The following GRIK2 variants were observed in gnomAD, a reference collection of about 807,000 sequenced individuals.
The protein encoded by GRIK2 is glutamate ionotropic receptor kainate type subunit 2, also known as glutamate receptor ionotropic, kainate 2.
GRIK2 carries 32 observed loss-of-function variants against 100.3 expected under a neutral mutation model. That is an observed-to-expected ratio of 0.32 (90% CI 0.24 to 0.43). The LOEUF (loss-of-function observed/expected upper bound fraction) is 0.43, where lower values mean the gene tolerates loss of function less well. Among genes scored for constraint, GRIK2 ranks in the 20% least tolerant of loss-of-function variants. The pLI is 1.00. For synonymous variants in GRIK2, 417 were observed against 389.4 expected (o/e 1.07, Z -0.83); for missense variants, 843 against 1,114.9 (o/e 0.76, Z 3.47).
intron 16 of GRIK2, among the ~76,000 whole-genome samples, chr6:102,057,216 A>G (rs1031429398): frequency 6.6e-6 from 1 of 151,992 alleles, no homozygotes; most frequent in South Asian, 2.1e-4. Flanking sequence ...CAAATAATCC[A>G]TATGTAATAA....
At chr6:101,868,464 TTTA>T (rs1360451803) in intron 11 of GRIK2, among the ~76,000 whole-genome samples, 5 of 151,740 alleles carry the variant, frequency 3.3e-5, no homozygotes, top group Non-Finnish European at 7.4e-5. Context: ...GAAAAATTTG[TTTA>T]TCTGTGGTAT....
chr6:101,918,996 A>T (rs934263073), intron 12 of GRIK2, among the ~76,000 whole-genome samples: 1 of 151,776 alleles, frequency 6.6e-6, no homozygotes, highest in East Asian at 1.9e-4. Context: ...AATTAACTGA[A>T]GAGGAAGAGG....
chr6:101,427,416 G>A (rs1302333142), intron 2 of GRIK2, among the ~76,000 whole-genome samples: 10 of 152,062 alleles, frequency 6.6e-5, no homozygotes, highest in Non-Finnish European at 1.5e-5. Flanking sequence ...CTTTATCCAC[G>A]AATATATTTA....
intron 7 of GRIK2, among the ~76,000 whole-genome samples, chr6:101,728,572 T>A (rs1775033174): frequency 6.6e-6 from 1 of 152,064 alleles, no homozygotes. Flanking sequence ...GGTTTTAAAT[T>A]CTGACAGGCA....
intron 2 of GRIK2, among the ~76,000 whole-genome samples, chr6:101,561,322 A>G (rs932116502): frequency 1.3e-5 from 2 of 151,990 alleles, no homozygotes; most frequent in African/African-American, 4.8e-5. Flanking sequence ...TTGGGAGCTA[A>G]AAAAGTAGAT....
intron 15 of GRIK2, among the ~76,000 whole-genome samples, chr6:102,053,758 AATAG>A (rs1415750207): frequency 2.6e-5 from 4 of 152,172 alleles, no homozygotes; most frequent in South Asian, 2.1e-4. Context: ...ACAGACAGAT[AATAG>A]ATAGCCTCCA....
chr6:101,499,351 T>C (rs1773628336), intron 2 of GRIK2, among the ~76,000 whole-genome samples: 1 of 152,086 alleles, frequency 6.6e-6, no homozygotes, highest in Admixed American at 6.6e-5. Context: ...AGTACTCTTT[T>C]CTCCAGGGAA....
At chr6:101,401,435 A>G (rs998792123) in intron 2 of GRIK2, among the ~76,000 whole-genome samples, 1 of 152,094 alleles carries the variant, frequency 6.6e-6, no homozygotes, top group Non-Finnish European at 1.5e-5. Context: ...TTCTTAGACC[A>G]ATGCTTACTA....
chr6:101,925,786 T>C (rs1789849456), intron 13 of GRIK2, among the ~76,000 whole-genome samples: 1 of 152,020 alleles, frequency 6.6e-6, no homozygotes, highest in Admixed American at 6.6e-5. Flanking sequence ...GAAGTGGAAA[T>C]TTATGTTGTT....
chr6:101,441,733 C>G (rs1308166251), intron 2 of GRIK2, among the ~76,000 whole-genome samples: 1 of 152,030 alleles, frequency 6.6e-6, no homozygotes, highest in African/African-American at 2.4e-5. Flanking sequence ...TTTTGTCATC[C>G]AGGAATCAGC....
chr6:101,853,834 T>C (rs934618506), intron 10 of GRIK2, among the ~76,000 whole-genome samples: 1 of 151,994 alleles, frequency 6.6e-6, no homozygotes, highest in African/African-American at 2.4e-5. Flanking sequence ...AAGAAAACAA[T>C]CTGAAAAGGC....
chr6:101,852,436 T>A (rs1295236387), intron 10 of GRIK2, among the ~76,000 whole-genome samples: 1 of 152,106 alleles, frequency 6.6e-6, no homozygotes, highest in Non-Finnish European at 1.5e-5. Context: ...GGAACTTACC[T>A]GTCTCAATTT....
chr6:101,865,951 C>A (rs960758166), intron 11 of GRIK2, among the ~76,000 whole-genome samples: 12 of 147,888 alleles, frequency 8.1e-5, no homozygotes, highest in Non-Finnish European at 1.7e-4. Flanking sequence ...CAACCAACAA[C>A]AACAAATAAA....
At chr6:101,723,117 A>G (rs1774605694) in intron 7 of GRIK2, among the ~76,000 whole-genome samples, 1 of 152,094 alleles carries the variant, frequency 6.6e-6, no homozygotes, top group African/African-American at 2.4e-5. Flanking sequence ...TTCAAAGCAT[A>G]TGCACTACTT....
At chr6:101,964,570 A>G (rs550178617) in intron 14 of GRIK2, among the ~76,000 whole-genome samples, 128 of 152,212 alleles carry the variant, frequency 8.4e-4, no homozygotes, top group Admixed American at 1.7e-3. Context: ...GGGGTCTCGC[A>G]CACAGGAAAG....
intron 2 of GRIK2, among the ~76,000 whole-genome samples, chr6:101,526,627 A>G (rs140601568): frequency 2.2e-3 from 333 of 152,272 alleles, no homozygotes; most frequent in Middle Eastern, 6.8e-3. Context: ...GGGTGATGCT[A>G]TAAGGAAGGG....
intron 11 of GRIK2, among the ~76,000 whole-genome samples, chr6:101,880,989 T>C (rs547169864): frequency 1.4e-4 from 22 of 152,022 alleles, no homozygotes; most frequent in African/African-American, 5.3e-4. Context: ...TATTTACTCA[T>C]TTCATGTCTT....
chr6:101,925,109 C>T (rs12213025), intron 13 of GRIK2, among the ~76,000 whole-genome samples: 3,389 of 152,156 alleles, frequency 0.022, 58 homozygotes, highest in Non-Finnish European at 0.036. Flanking sequence ...AAAATCTTCT[C>T]TTTCATATTA....
intron 7 of GRIK2, among the ~76,000 whole-genome samples, chr6:101,786,244 G>A (rs931431151): frequency 6.8e-6 from 1 of 146,776 alleles, no homozygotes; most frequent in Non-Finnish European, 1.5e-5. Flanking sequence ...CATGTCACCT[G>A]CAAAAGGGAC....
Sources: gnomAD v4.1 joint callset for allele counts (sites outside exome capture counted in the v4.1 genomes callset) on GRCh38, gnomAD v4.1.1 for gene constraint, MANE v1.5 for transcripts, NCBI Gene and HGNC (gene_info 2026-07-23, HGNC 2026-07-21) for gene names.